The following SGK1 variants were observed in gnomAD, a reference collection of about 807,000 sequenced individuals.
SGK1 encodes serine/threonine-protein kinase Sgk1.
Under a neutral mutation model 64.2 loss-of-function variants are expected in SGK1, and 26 were observed. That is an observed-to-expected ratio of 0.40 (90% CI 0.30 to 0.56). The LOEUF (loss-of-function observed/expected upper bound fraction) is 0.56. SGK1 is among the 20% of genes least tolerant of loss of function. The probability of loss-of-function intolerance (pLI) is 0.38; values close to 1 mark genes in which losing one functional copy is unlikely to be tolerated. For missense variants in SGK1, 519 were observed against 645.6 expected (o/e 0.80, Z 2.12); for synonymous variants, 265 against 239.7 (o/e 1.11, Z -0.98).
At chr6:134,262,685 C>G (rs899532678) in intron 1 of SGK1, among the ~76,000 whole-genome samples, 10 of 151,856 alleles carry the variant, frequency 6.6e-5, no homozygotes, top group Admixed American at 6.6e-4. Flanking sequence ...GGTGACAGAG[C>G]AAGACTGTCT....
At chr6:134,228,841 CTTTTTTTTTTTTTT>C (rs754300980) in intron 2 of SGK1, among the ~76,000 whole-genome samples, 2 of 129,960 alleles carry the variant, frequency 1.5e-5, no homozygotes, top group Non-Finnish European at 3.2e-5. Context: ...TGTAGTTGTT[CTTTTTTTTTTTTTT>C]TTTTTTGAGA....
intron 2 of SGK1, among the ~76,000 whole-genome samples, chr6:134,208,907 T>C (rs200222635): frequency 6.6e-6 from 1 of 150,562 alleles, no homozygotes; most frequent in African/African-American, 2.4e-5. Flanking sequence ...TATATATATA[T>C]ACACACACAC....
At chr6:134,198,726 A>ATTTTTTTT (rs1178699258) in intron 3 of SGK1, among the ~76,000 whole-genome samples, 2,106 of 101,700 alleles carry the variant, frequency 0.021, 197 homozygotes, top group African/African-American at 0.041. Context: ...CTCTTTTTCT[A>ATTTTTTTT]TTTTTTTTTT....
At chr6:134,277,361 A>G (rs1045780653) in intron 1 of SGK1, among the ~76,000 whole-genome samples, 2 of 152,116 alleles carry the variant, frequency 1.3e-5, no homozygotes, top group Non-Finnish European at 2.9e-5. Flanking sequence ...CCGAACCAAC[A>G]AAAAAAGGAA....
In SGK1 at chr6:134,305,572, C is replaced by CAAA. The variant is rs11403837; in HGVS notation, c.69+11817_69+11819dup. On this transcript the variant is annotated intron_variant, in intron 1 of 13. Transcript: ENST00000367858. ...TGGGTGACAGAGCGAGACCCTGTCT[C>CAAA]AAAAAAAAAAAAAAAATGTTATTTA... is the stretch of plus-strand genomic sequence containing the variant. Among the ~76,000 whole-genome samples, 5 of 118,706 alleles carry CAAA rather than the reference C, an allele frequency of 4.2e-5. No individual in the cohort carries two copies. The East Asian group carries it at 6.5e-4, about 15-fold the overall frequency. 77.9% of individuals were successfully genotyped at this position (118,706 alleles called of 152,430 possible).
chr6:134,260,369 C>CCCCCT, intron 2 of SGK1: 2 of 63,792 alleles, frequency 3.1e-5, no homozygotes, highest in Non-Finnish European at 7.5e-5. Flanking sequence ...CTGTCCCCGA[C>CCCCCT]CCCCACCCCC....
chr6:134,184,048 C>T (rs186520200), intron 3 of SGK1, among the ~76,000 whole-genome samples: 21 of 152,210 alleles, frequency 1.4e-4, no homozygotes, highest in African/African-American at 4.6e-4. Context: ...TTCTCCCTCC[C>T]TCCAGGTTTG....
At chr6:134,266,230 C>T (rs1181140830) in intron 1 of SGK1, among the ~76,000 whole-genome samples, 1 of 151,898 alleles carries the variant, frequency 6.6e-6, no homozygotes, top group Non-Finnish European at 1.5e-5. Flanking sequence ...GGTGATCCAC[C>T]CACCTCAGCC....
intron 3 of SGK1, among the ~76,000 whole-genome samples, chr6:134,199,018 T>C (rs1189016106): frequency 1.3e-5 from 2 of 152,132 alleles, no homozygotes; most frequent in Non-Finnish European, 2.9e-5. Flanking sequence ...CCTTAGTAGC[T>C]GGGACCATAC....
chr6:134,229,487 T>C (rs910211872), intron 2 of SGK1, among the ~76,000 whole-genome samples: 1 of 152,200 alleles, frequency 6.6e-6, no homozygotes, highest in African/African-American at 2.4e-5. Context: ...ACGTGACAAT[T>C]CCATTTAGAT....
chr6:134,192,152 A>G (rs1450582943), intron 3 of SGK1, among the ~76,000 whole-genome samples: 1 of 150,806 alleles, frequency 6.6e-6, no homozygotes, highest in African/African-American at 2.4e-5. Context: ...TTTTATAGAG[A>G]TGGGGTTTTG....
At chr6:134,277,046 A>G (rs773708666) in intron 1 of SGK1, among the ~76,000 whole-genome samples, 9 of 151,276 alleles carry the variant, frequency 5.9e-5, no homozygotes, top group Non-Finnish European at 1.3e-4. Context: ...CTTGTCTCAA[A>G]AAAAACCACA....
chr6:134,177,552 A>C (rs1227975845), intron 3 of SGK1: 1 of 805,292 alleles, frequency 1.2e-6, no homozygotes, highest in Non-Finnish European at 2.0e-6. Context: ...TTAAATTAAG[A>C]AACCTACAAC....
At chr6:134,171,981 T>C in intron 10 of SGK1, 2 of 688,756 alleles carry the variant, frequency 2.9e-6, no homozygotes, top group East Asian at 2.5e-5. Context: ...ATGATGCAGA[T>C]CTTACTTACA....
chr6:134,267,685 C>T (rs576323259), intron 1 of SGK1, among the ~76,000 whole-genome samples: 17 of 152,242 alleles, frequency 1.1e-4, no homozygotes, highest in African/African-American at 3.9e-4. Context: ...TGATCAGGAT[C>T]ATTGCGGGTG....
At chr6:134,203,921 G>A (rs1775725663) in intron 3 of SGK1, among the ~76,000 whole-genome samples, 3 of 151,986 alleles carry the variant, frequency 2.0e-5, no homozygotes, top group Non-Finnish European at 4.4e-5. Flanking sequence ...AGAATTAGCT[G>A]GGAGTGATGG....
intron 3 of SGK1, among the ~76,000 whole-genome samples, chr6:134,180,029 C>T (rs1264793173): frequency 6.6e-6 from 1 of 152,192 alleles, no homozygotes; most frequent in Non-Finnish European, 1.5e-5. Flanking sequence ...TCACAGCTCA[C>T]TGCAGCCTCA....
At chr6:134,229,361 AAAG>A (rs1367680935) in intron 2 of SGK1, among the ~76,000 whole-genome samples, 5 of 152,262 alleles carry the variant, frequency 3.3e-5, no homozygotes, top group Non-Finnish European at 5.9e-5. Flanking sequence ...AGAAATTAAA[AAAG>A]AATAAGCCTG....
chr6:134,174,421 T>C, intron 4 of SGK1, 90 bp downstream of exon 4: 1 of 908,312 alleles, frequency 1.1e-6, no homozygotes, highest in Non-Finnish European at 1.8e-6. Flanking sequence ...GAAGAAGTCT[T>C]CGCCTTCCCG....
Sources: gnomAD v4.1 joint callset for allele counts (sites outside exome capture counted in the v4.1 genomes callset) on GRCh38, gnomAD v4.1.1 for gene constraint, MANE v1.5 for transcripts, NCBI Gene and HGNC (gene_info 2026-07-23, HGNC 2026-07-21) for gene names.